The following CACNG3 variants were observed in gnomAD, a reference collection of about 807,000 sequenced individuals.
CACNG3 encodes the protein voltage-dependent calcium channel gamma-3 subunit.
CACNG3 carries 3 observed loss-of-function variants against 28.5 expected under a neutral mutation model. That is an observed-to-expected ratio of 0.11 (90% CI 0.05 to 0.27). The LOEUF (loss-of-function observed/expected upper bound fraction) is 0.27. Ranked by LOEUF, CACNG3 falls within the 10% of genes least tolerant of loss-of-function variation. The probability of loss-of-function intolerance (pLI) is 1.00; values close to 1 mark genes in which losing one functional copy is unlikely to be tolerated. For synonymous variants in CACNG3, 174 were observed against 162.2 expected (o/e 1.07, Z -0.55); for missense variants, 236 against 414.4 (o/e 0.57, Z 3.74).
At chr16:24,264,648 C>T (rs1281021271) in intron 1 of CACNG3, among the ~76,000 whole-genome samples, 1 of 152,202 alleles carries the variant, frequency 6.6e-6, no homozygotes, top group African/African-American at 2.4e-5. Context: ...TTTCTTTCTT[C>T]CTGCTCCCTG....
intron 1 of CACNG3, among the ~76,000 whole-genome samples, chr16:24,276,985 G>T (rs1898761038): frequency 6.6e-6 from 1 of 152,218 alleles, no homozygotes; most frequent in African/African-American, 2.4e-5. Context: ...TTTGGGAAAT[G>T]GAAGGGTCTA....
chr16:24,275,230 G>A (rs1214851112), intron 1 of CACNG3, among the ~76,000 whole-genome samples: 1 of 151,914 alleles, frequency 6.6e-6, no homozygotes, highest in Non-Finnish European at 1.5e-5. Flanking sequence ...TTTTCAATGT[G>A]TTAAAATTTG....
At chr16:24,301,698 G>C (rs1407966390) in intron 1 of CACNG3, among the ~76,000 whole-genome samples, 1 of 152,186 alleles carries the variant, frequency 6.6e-6, no homozygotes, top group Non-Finnish European at 1.5e-5. Context: ...TGGGGGAATT[G>C]TTCTCTATTC....
At chr16:24,273,651 A>T (rs541769728) in intron 1 of CACNG3, among the ~76,000 whole-genome samples, 2 of 152,248 alleles carry the variant, frequency 1.3e-5, no homozygotes, top group East Asian at 3.9e-4. Context: ...AAGCTGAGTC[A>T]TTTTCTGAGA....
chr16:24,303,643 G>A (rs898802166), intron 1 of CACNG3, among the ~76,000 whole-genome samples: 3 of 151,924 alleles, frequency 2.0e-5, no homozygotes, highest in African/African-American at 7.3e-5. Flanking sequence ...GAAGTGGTTG[G>A]TTTCCTTCAC....
chr16:24,361,371 C>T lies in CACNG3; in HGVS notation c.456C>T (p.Gly152=). The change falls in exon 4 of 4, where the codon GGC becomes GGT. Residue 152 remains glycine (G), a synonymous_variant. Coordinates refer to ENST00000005284, the MANE Select transcript of CACNG3 (RefSeq NM_006539.4). This position sits in a 1 kb window ranked among gnomAD's most constrained non-coding sequence, Gnocchi z 6.8. The part of the protein sequence containing the change: ...FVSAGLSNII[G]IIVYISANAG... ...TCTTAGGGTTAAGCAACATCATTGG[C>T]ATCATAGTTTATATATCAGCCAACG... 1 of 1,605,244 alleles carries T rather than the reference C, an allele frequency of 6.2e-7. No homozygotes were observed. The highest frequency in any genetic ancestry group is 8.5e-7 in the Non-Finnish European group (1 of 1,176,238).
intron 3 of CACNG3, among the ~76,000 whole-genome samples, chr16:24,359,162 G>GC (rs2044853229): frequency 6.6e-6 from 1 of 152,114 alleles, no homozygotes; most frequent in Non-Finnish European, 1.5e-5. Flanking sequence ...AAAAAACATG[G>GC]CCCGGGGGAG....
At chr16:24,300,499 G>C (rs1244030136) in intron 1 of CACNG3, among the ~76,000 whole-genome samples, 1 of 151,950 alleles carries the variant, frequency 6.6e-6, no homozygotes, top group Non-Finnish European at 1.5e-5. Flanking sequence ...TGAAATGTTG[G>C]CTATGATTGT....
intron 1 of CACNG3, among the ~76,000 whole-genome samples, chr16:24,323,243 G>A (rs67925950): frequency 0.022 from 2,617 of 117,650 alleles, 38 homozygotes; most frequent in Non-Finnish European, 0.028. Flanking sequence ...AAAAAAAAGA[G>A]AGAGAGAGAA....
chr16:24,286,003 C>T (rs1275650415), intron 1 of CACNG3, among the ~76,000 whole-genome samples: 2 of 152,114 alleles, frequency 1.3e-5, no homozygotes, highest in Non-Finnish European at 2.9e-5. Context: ...GCCACCACAC[C>T]AGCTATTTTT....
At chr16:24,317,559 A>C (rs1240629382) in intron 1 of CACNG3, among the ~76,000 whole-genome samples, 2 of 19,798 alleles carry the variant, frequency 1.0e-4, no homozygotes, top group South Asian at 4.5e-3. Flanking sequence ...AAAGAAAAAG[A>C]AAGAAAGAAA....
At chr16:24,345,542 A>C (rs1478309355) in intron 1 of CACNG3, among the ~76,000 whole-genome samples, 2 of 152,172 alleles carry the variant, frequency 1.3e-5, no homozygotes, top group African/African-American at 4.8e-5. Context: ...TCTCCTAAAA[A>C]TACAAAAATT....
rs546829703 is a variant in CACNG3 at position 24,288,512 on chromosome 16, A to G, written c.211+31547A>G. ...CAAATTTAAACATTCAGCTGCCTGG[A>G]CCACTTCTAAATGTGGTGTCATGCA... On this transcript the variant is annotated intron_variant, in intron 1 of 3. Coordinates refer to ENST00000005284, the MANE Select transcript of CACNG3 (RefSeq NM_006539.4). Among the ~76,000 whole-genome samples the G allele has an allele frequency of 3.3e-5, 5 of 152,252 alleles. No individual in the cohort carries two copies. In the South Asian group the frequency reaches 1.0e-3, roughly 32 times the overall value.
chr16:24,262,135 A>T (rs1003734380), intron 1 of CACNG3, among the ~76,000 whole-genome samples: 2 of 152,168 alleles, frequency 1.3e-5, no homozygotes, highest in African/African-American at 2.4e-5. Context: ...GTACCCAGTC[A>T]TCACTTCCGC....
intron 1 of CACNG3, among the ~76,000 whole-genome samples, chr16:24,275,995 C>T (rs947144753): frequency 3.3e-5 from 5 of 152,154 alleles, no homozygotes; most frequent in South Asian, 2.1e-4. Flanking sequence ...TACCACTTGT[C>T]GAGTTTTGGT....
intron 1 of CACNG3, among the ~76,000 whole-genome samples, chr16:24,340,335 C>T (rs1480855641): frequency 6.6e-6 from 1 of 152,108 alleles, no homozygotes; most frequent in Admixed American, 6.6e-5. Context: ...AACGTCGAGG[C>T]TTCAGTGAGC....
rs377050980 is a variant in CACNG3 at position 24,296,429 on chromosome 16, T to C, written c.211+39464T>C. On this transcript the variant is annotated intron_variant, in intron 1 of 3. Coordinates refer to ENST00000005284, the MANE Select transcript of CACNG3 (RefSeq NM_006539.4). ...CACCCAGCTGTGCACAAAAACTTAA[T>C]CAATTACAGTTGAGATTAGAGCTGC... 5.3e-5 allele frequency among the ~76,000 whole-genome samples: 8 copies of C among 152,272 alleles called. No homozygotes were observed. In the East Asian group the frequency reaches 9.7e-4, roughly 18 times the overall value.
chr16:24,264,038 G>A lies in CACNG3; in HGVS notation c.211+7073G>A, dbSNP rs146139392. Among the ~76,000 whole-genome samples, 70 of 152,356 alleles carry A rather than the reference G, an allele frequency of 4.6e-4. 1 individual carries two copies. The highest frequency in any genetic ancestry group is 1.3e-3 in the African/African-American group (55 of 41,584). ...GGAGGGAACAACAGAGCTAAGAGGA[G>A]GCATGGGATTGGAGTAGCTTGTTTG... On this transcript the variant is annotated intron_variant, in intron 1 of 3. Coordinates refer to ENST00000005284, the MANE Select transcript of CACNG3 (RefSeq NM_006539.4).
intron 1 of CACNG3, among the ~76,000 whole-genome samples, chr16:24,271,643 T>C (rs1898692344): frequency 6.6e-6 from 1 of 152,196 alleles, no homozygotes; most frequent in Admixed American, 6.5e-5. Context: ...ATTGAGCCGC[T>C]ACTATGTGCT....
Sources: gnomAD v4.1 joint callset for allele counts (sites outside exome capture counted in the v4.1 genomes callset) on GRCh38, gnomAD v4.1.1 for gene constraint, Gnocchi (gnomAD v3.1) non-coding constraint, MANE v1.5 for transcripts, NCBI Gene and HGNC (gene_info 2026-07-23, HGNC 2026-07-21) for gene names.